The following RCOR1 variants were observed in gnomAD, a reference collection of about 807,000 sequenced individuals.
The protein encoded by RCOR1 is REST corepressor.
In RCOR1, 12 loss-of-function variants were observed where a neutral mutation model predicts 64.0. The ratio of observed to expected loss-of-function variants is 0.19; its 90% confidence interval spans 0.12 to 0.30. The LOEUF is 0.30. RCOR1 is among the 10% of genes least tolerant of loss of function. The probability of loss-of-function intolerance (pLI) is 1.00; values close to 1 mark genes in which losing one functional copy is unlikely to be tolerated. For synonymous variants in RCOR1, 279 were observed against 227.2 expected (o/e 1.23, Z -2.05); for missense variants, 502 against 621.2 (o/e 0.81, Z 2.04).
intron 2 of RCOR1, among the ~76,000 whole-genome samples, chr14:102,611,899 A>G (rs1270883434): frequency 6.6e-6 from 1 of 152,146 alleles, no homozygotes; most frequent in Non-Finnish European, 1.5e-5. Context: ...TTTTGTGATC[A>G]TAGCTCCTTG....
At chr14:102,615,433 T>G (rs1893739769) in intron 2 of RCOR1, among the ~76,000 whole-genome samples, 1 of 151,440 alleles carries the variant, frequency 6.6e-6, no homozygotes, top group African/African-American at 2.4e-5. Flanking sequence ...TGAGCCACCT[T>G]GGCCTGCATA....
chr14:102,655,192 A>T (rs1253512950), intron 2 of RCOR1: 1 of 934,986 alleles, frequency 1.1e-6, no homozygotes, highest in East Asian at 1.2e-4. Context: ...TACAAAATTA[A>T]AAGATGCAAA....
At chr14:102,611,537 T>C (rs976366576) in intron 2 of RCOR1, among the ~76,000 whole-genome samples, 1 of 152,214 alleles carries the variant, frequency 6.6e-6, no homozygotes, top group Non-Finnish European at 1.5e-5. Context: ...TGAATTTTAC[T>C]TTGTTGGAGG....
intron 4 of RCOR1, among the ~76,000 whole-genome samples, chr14:102,706,460 G>T (rs1001164202): frequency 6.6e-6 from 1 of 152,124 alleles, no homozygotes; most frequent in East Asian, 1.9e-4. Context: ...ATTTAAACAG[G>T]TTGTAAGAGA....
intron 3 of RCOR1, among the ~76,000 whole-genome samples, chr14:102,701,068 A>G: frequency 6.6e-6 from 1 of 152,234 alleles, no homozygotes; most frequent in East Asian, 1.9e-4. Context: ...AGCACAGGAA[A>G]GCCCATCCTC....
At chr14:102,651,863 C>A (rs910869578) in intron 2 of RCOR1, among the ~76,000 whole-genome samples, 1 of 152,178 alleles carries the variant, frequency 6.6e-6, no homozygotes, top group Admixed American at 6.5e-5. Context: ...CATGAGCCGT[C>A]ATGCCTGGCC....
chr14:102,615,695 A>G (rs530862658), intron 2 of RCOR1, among the ~76,000 whole-genome samples: 1 of 151,780 alleles, frequency 6.6e-6, no homozygotes, highest in Non-Finnish European at 1.5e-5. Context: ...TTATCTGCCC[A>G]ACCTTGGCCT....
chr14:102,719,944 G>A lies in RCOR1; in HGVS notation c.1054-1063G>A, dbSNP rs1046897226. Among the ~76,000 whole-genome samples, 5 of 152,264 alleles carry A rather than the reference G, an allele frequency of 3.3e-5. No individual in the cohort carries two copies. In the East Asian group the frequency reaches 9.6e-4, roughly 29 times the overall value. On this transcript the variant is annotated intron_variant, in intron 8 of 11. Coordinates refer to ENST00000262241, the MANE Select transcript of RCOR1 (RefSeq NM_015156.4). ...CCAGTGAACATAATCTGAGTACTTT[G>A]CAATTTTCCTGGGTTTTCGGTAACT...
intron 2 of RCOR1, among the ~76,000 whole-genome samples, chr14:102,610,593 C>T (rs554775476): frequency 2.0e-4 from 31 of 152,148 alleles, no homozygotes; most frequent in Admixed American, 1.4e-3. Flanking sequence ...GACAGAGTGT[C>T]GCTCTGTTCC....
chr14:102,600,593 C>T (rs1220869238), intron 2 of RCOR1, among the ~76,000 whole-genome samples: 9 of 133,318 alleles, frequency 6.8e-5, no homozygotes, highest in African/African-American at 1.4e-4. Flanking sequence ...TTTTTGAAGA[C>T]GGAGTCTCAC....
intron 2 of RCOR1, among the ~76,000 whole-genome samples, chr14:102,673,523 G>C (rs1000320203): frequency 1.3e-5 from 2 of 151,778 alleles, no homozygotes; most frequent in African/African-American, 2.4e-5. Context: ...TTTTAGTAGA[G>C]ACGGGGTTTC....
At chr14:102,645,899 ATT>A (rs1182821560) in intron 2 of RCOR1, among the ~76,000 whole-genome samples, 2 of 152,144 alleles carry the variant, frequency 1.3e-5, no homozygotes, top group African/African-American at 4.8e-5. Flanking sequence ...CTCTGTGTGA[ATT>A]TGTTTGTGCT....
rs574126856 is a variant in RCOR1, at chr14:102,637,130, T to A, written c.361+43805T>A. Among the ~76,000 whole-genome samples the A allele has an allele frequency of 2.8e-5, 4 of 145,144 alleles. No individual in the cohort carries two copies. In the South Asian group the frequency reaches 8.4e-4, roughly 31 times the overall value. On this transcript the variant is annotated intron_variant, in intron 2 of 11. Coordinates refer to ENST00000262241, the MANE Select transcript of RCOR1 (RefSeq NM_015156.4). Reference sequence around the variant, plus strand: ...TTTTTTGTTTGTTTGTTTGTTTTTTTATTTTTTTTTTTTTGAGACGGAGTC... The same window carrying A: ...TTTTTTGTTTGTTTGTTTGTTTTTTAATTTTTTTTTTTTTGAGACGGAGTC...
intron 2 of RCOR1, among the ~76,000 whole-genome samples, chr14:102,660,610 T>A (rs1050736170): frequency 6.6e-6 from 1 of 152,188 alleles, no homozygotes; most frequent in Non-Finnish European, 1.5e-5. Context: ...CTTCAAGTGG[T>A]TCTCCCTACT....
intron 2 of RCOR1, among the ~76,000 whole-genome samples, chr14:102,637,671 A>C (rs1274121665): frequency 6.6e-6 from 1 of 152,104 alleles, no homozygotes; most frequent in Non-Finnish European, 1.5e-5. Context: ...GTAGTCTCGA[A>C]CTTAGGAGTT....
chr14:102,632,090 G>A (rs547758970), intron 2 of RCOR1, among the ~76,000 whole-genome samples: 2 of 151,090 alleles, frequency 1.3e-5, no homozygotes, highest in African/African-American at 2.4e-5. Flanking sequence ...GATTACAGGC[G>A]TGAGCCACCG....
intron 3 of RCOR1, chr14:102,695,434 C>T (rs1208121448): frequency 6.6e-6 from 1 of 152,204 alleles, no homozygotes; most frequent in Admixed American, 6.5e-5. Context: ...TTCACAATTG[C>T]AGATGGAACT....
At chr14:102,615,487 C>T (rs1374825005) in intron 2 of RCOR1, among the ~76,000 whole-genome samples, 15 of 138,068 alleles carry the variant, frequency 1.1e-4, no homozygotes, top group East Asian at 8.6e-4. Flanking sequence ...TCGCTCTTGT[C>T]GCTCAGGCTG....
intron 2 of RCOR1, among the ~76,000 whole-genome samples, chr14:102,680,643 T>TA (rs1295148888): frequency 6.6e-6 from 1 of 152,062 alleles, no homozygotes; most frequent in Non-Finnish European, 1.5e-5. Flanking sequence ...CCGTCTCTAC[T>TA]AAAAATAAAA....
Sources: allele counts gnomAD v4.1 joint callset (sites outside exome capture counted in the v4.1 genomes callset), GRCh38; gene constraint gnomAD v4.1.1; transcripts MANE v1.5; gene names NCBI Gene and HGNC (gene_info 2026-07-23, HGNC 2026-07-21).